POLH: variants seen among roughly 807,000 people sequenced by gnomAD.
POLH encodes the protein DNA polymerase eta, also known as DNA polymerase eta transcript.
Under a neutral mutation model 73.6 loss-of-function variants are expected in POLH, and 53 were observed. The observed-to-expected ratio is 0.72, with a 90% CI of 0.58 to 0.91. POLH has a LOEUF of 0.91. Among genes scored for constraint, POLH ranks in the 40% least tolerant of loss-of-function variants. The pLI is 0.00. For missense variants in POLH, 768 were observed against 865.4 expected, an observed-to-expected ratio of 0.89 and a Z score of 1.41; for synonymous variants, 292 against 308.5, an observed-to-expected ratio of 0.95 and a Z score of 0.56.
intron 1 of POLH, among the ~76,000 whole-genome samples, chr6:43,581,770 G>A (rs867309753): frequency 8.0e-5 from 12 of 150,172 alleles, no homozygotes; most frequent in Middle Eastern, 6.8e-3. Context: ...TCCCGGCTCC[G>A]CACTGCCCCG....
intron 1 of POLH, among the ~76,000 whole-genome samples, chr6:43,580,786 C>T (rs1217461041): frequency 5.6e-4 from 75 of 134,104 alleles, no homozygotes; most frequent in Non-Finnish European, 1.1e-3. Flanking sequence ...ACCTCCCTCC[C>T]GGACTGGGCG....
chr6:43,584,290 G>GAATTCT (rs1366785931), intron 3 of POLH, among the ~76,000 whole-genome samples: 1 of 152,130 alleles, frequency 6.6e-6, no homozygotes. Flanking sequence ...ACATACTTCT[G>GAATTCT]AATTCTAATT....
chr6:43,607,556 C>T (rs1372221365), intron 9 of POLH, among the ~76,000 whole-genome samples: 4 of 151,956 alleles, frequency 2.6e-5, no homozygotes, highest in Non-Finnish European at 5.9e-5. Flanking sequence ...TGTGTAGACA[C>T]CTGTTTTCTT....
At chr6:43,612,693 T>C (rs539316699) in intron 10 of POLH, among the ~76,000 whole-genome samples, 13 of 152,008 alleles carry the variant, frequency 8.6e-5, no homozygotes, top group Non-Finnish European at 1.8e-4. Flanking sequence ...TTTACCTCAT[T>C]GAAGGACTAA....
intron 5 of POLH, among the ~76,000 whole-genome samples, 171 bp from the exon 6 acceptor site, chr6:43,600,817 A>T (rs1766657092): frequency 6.6e-6 from 1 of 152,216 alleles, no homozygotes; most frequent in Non-Finnish European, 1.5e-5. Flanking sequence ...ATGTTGTGGG[A>T]TACCAAGTTT....
At chr6:43,596,729 A>G (rs1367802151) in intron 4 of POLH, among the ~76,000 whole-genome samples, 1 of 152,166 alleles carries the variant, frequency 6.6e-6, no homozygotes. Context: ...ATAATTAAAA[A>G]TTCAAGAAAA....
chr6:43,594,375 TAAAA>T (rs897748985), intron 4 of POLH, among the ~76,000 whole-genome samples: 1 of 150,664 alleles, frequency 6.6e-6, no homozygotes. Context: ...AACAGATAAT[TAAAA>T]AAAAAGCAAA....
At position 43,593,896 on chromosome 6, in the gene POLH, A is replaced by AAAAG. The variant is rs1554139791; in HGVS notation, c.491-3788_491-3785dup. 7.2e-3 allele frequency among the ~76,000 whole-genome samples: 1,057 copies of AAAAG among 145,916 alleles called. 5 individuals carry two copies. Among genetic ancestry groups the AAAAG allele is most frequent in the African/African-American group, 0.018 (706 of 39,170 alleles). ...TCCGTCTCAAAAAAAAAAAAAAAAAAAAAGAAAGAAAGAAAAGTTTTTTCT... is the reference window on the plus strand; with the variant it reads ...TCCGTCTCAAAAAAAAAAAAAAAAAAAAAGAAAGAAAGAAAGAAAAGTTTTTTCT... On this transcript the variant is annotated intron_variant, in intron 4 of 10. Transcript: ENST00000372236.
At chr6:43,596,431 C>T (rs1374308559) in intron 4 of POLH, among the ~76,000 whole-genome samples, 4 of 151,698 alleles carry the variant, frequency 2.6e-5, no homozygotes, top group South Asian at 2.1e-4. Flanking sequence ...TGCAGTGAGG[C>T]GAGATCATGC....
chr6:43,602,868 A>G (rs1418345829), intron 6 of POLH, among the ~76,000 whole-genome samples: 1 of 151,540 alleles, frequency 6.6e-6, no homozygotes, highest in African/African-American at 2.4e-5. Context: ...AGGTTTTACT[A>G]TTTTGGCCAG....
At position 43,604,610 on chromosome 6, in the gene POLH, A is replaced by C. The variant is rs1279808075; in HGVS notation, c.885-5A>C. 1 of 1,613,940 alleles carries C rather than the reference A, an allele frequency of 6.2e-7. No individual in the cohort carries two copies. On this transcript the variant is annotated splice_region_variant and splice_polypyrimidine_tract_variant and intron_variant, in intron 7 of 10. Transcript: ENST00000372236. ...CACCTTAACGTTTTTTGCTGGTCTT[A>C]TTAGGTCTTGGCTATATGCCATGTG...
At chr6:43,580,896 C>T (rs1279668580) in intron 1 of POLH, among the ~76,000 whole-genome samples, 20 of 141,850 alleles carry the variant, frequency 1.4e-4, no homozygotes, top group South Asian at 4.6e-4. Flanking sequence ...GGAGGGCTGA[C>T]CCCCCCACCT....
At chr6:43,607,511 A>C (rs1438997078) in intron 9 of POLH, among the ~76,000 whole-genome samples, 2 of 152,228 alleles carry the variant, frequency 1.3e-5, no homozygotes, top group Non-Finnish European at 2.9e-5. Flanking sequence ...GGCTATTATG[A>C]ATAATGTTGA....
Position 43,618,684 on chromosome 6 carries a change from G to T in POLH, c.*4127G>T, listed in dbSNP as rs1370531953. Among the ~76,000 whole-genome samples the T allele has an allele frequency of 6.6e-6, 1 of 152,124 alleles. No homozygotes were observed. Among genetic ancestry groups the T allele is most frequent in the Non-Finnish European group, 1.5e-5 (1 of 68,042 alleles). ...TTTCTCTCATCGCCCCGGCTGGAAT[G>T]CAATGGCACGATCTCGGCTCACTGC... On this transcript the variant is annotated 3_prime_UTR_variant, in exon 11 of 11. Transcript: ENST00000372236.
chr6:43,586,276 C>T (rs187681718), intron 3 of POLH, among the ~76,000 whole-genome samples: 206 of 151,982 alleles, frequency 1.4e-3, no homozygotes, highest in African/African-American at 4.9e-3. Context: ...GTCAGGAATT[C>T]GAGATCAGCC....
intron 3 of POLH, among the ~76,000 whole-genome samples, chr6:43,586,200 C>T (rs184548133): frequency 5.9e-5 from 9 of 152,172 alleles, no homozygotes; most frequent in East Asian, 1.9e-4. Context: ...GTATATTGGC[C>T]GGATGTGGTG....
At position 43,587,086 on chromosome 6, in the gene POLH, C is replaced by T. The variant is rs113067302; in HGVS notation, c.273-186C>T. 3.7e-4 allele frequency among the ~76,000 whole-genome samples: 57 copies of T among 152,230 alleles called. 1 individual carries two copies. The highest frequency in any genetic ancestry group is 3.4e-3 in the Middle Eastern group (1 of 294). ...TTTGCCTCCGTGATTCTTCCTTTTC[C>T]ATGCTTCTATTATTGACCATCTGCC... On this transcript the variant is annotated intron_variant, in intron 3 of 10. Coordinates refer to ENST00000372236, the MANE Select transcript of POLH (RefSeq NM_006502.3).
chr6:43,610,246 G>C (rs150427007), intron 9 of POLH, among the ~76,000 whole-genome samples: 3 of 151,602 alleles, frequency 2.0e-5, no homozygotes, highest in Non-Finnish European at 4.4e-5. Context: ...GTATTTTTCA[G>C]TAGAGATGGG....
At chr6:43,605,913 G>A (rs552764187) in intron 9 of POLH, among the ~76,000 whole-genome samples, 5 of 142,364 alleles carry the variant, frequency 3.5e-5, no homozygotes, top group South Asian at 4.2e-4. Flanking sequence ...CAGTAGAGAC[G>A]GGGTTCTACC....
Sources: allele counts gnomAD v4.1 joint callset (sites outside exome capture counted in the v4.1 genomes callset), GRCh38; gene constraint gnomAD v4.1.1; transcripts MANE v1.5; gene names NCBI Gene and HGNC (gene_info 2026-07-23, HGNC 2026-07-21).